The following BACH1 variants were observed in gnomAD, a reference collection of about 807,000 sequenced individuals.
The protein encoded by BACH1 is BTB domain and CNC homolog 1, also known as transcription regulator protein BACH1.
In BACH1, 35 loss-of-function variants were observed where a neutral mutation model predicts 52.9. The observed-to-expected ratio is 0.66, with a 90% confidence interval of 0.51 to 0.88. The LOEUF (loss-of-function observed/expected upper bound fraction) is 0.88, where lower values mean the gene tolerates loss of function less well. BACH1 is among the 40% of genes least tolerant of loss of function. The pLI is 0.00. For synonymous variants in BACH1, 321 were observed against 319.6 expected (o/e 1.00, Z -0.05); for missense variants, 808 against 872.6 (o/e 0.93, Z 0.93).
rs1167042483 is a variant in BACH1, at chr21:29,344,323, T to G, written c.*1490T>G. The G allele has an allele frequency of 6.6e-6, 1 of 152,660 alleles. No individual in the cohort carries two copies. 9.5% of individuals were successfully genotyped at this position (152,660 alleles called of 1,614,324 possible). On this transcript the variant is annotated 3_prime_UTR_variant, in exon 5 of 5. Transcript: ENST00000286800. ...TCCTGAGCCTAGTGCAGGGCTTGTCTAGCTAATGTGGGCAGCCACCACCCA... is the reference window on the plus strand; with the variant it reads ...TCCTGAGCCTAGTGCAGGGCTTGTCGAGCTAATGTGGGCAGCCACCACCCA...
downstream of BACH1, among the ~76,000 whole-genome samples, chr21:29,348,603 G>A (rs1033738517): frequency 4.6e-5 from 7 of 152,148 alleles, no homozygotes; most frequent in African/African-American, 1.4e-4. Flanking sequence ...ATTCCTGGGG[G>A]AAAGACCACC....
intron 4 of BACH1, 45 bp downstream of exon 4, chr21:29,329,738 C>CT: frequency 5.2e-6 from 7 of 1,350,104 alleles, no homozygotes; most frequent in Non-Finnish European, 6.9e-6. Context: ...CCACCACTTT[C>CT]TTTTTTGTCA....
chr21:29,332,342 G>T (rs2088994292), intron 4 of BACH1, among the ~76,000 whole-genome samples: 1 of 152,146 alleles, frequency 6.6e-6, no homozygotes, highest in African/African-American at 2.4e-5. Flanking sequence ...CTTTCATATG[G>T]TCAGTGAATA....
chr21:29,332,744 G>C (rs1335395655), intron 4 of BACH1, among the ~76,000 whole-genome samples: 1 of 152,232 alleles, frequency 6.6e-6, no homozygotes, highest in African/African-American at 2.4e-5. Context: ...GACTAATCCA[G>C]TCAGAGACTA....
At chr21:29,320,493 A>T (rs1185774300) in intron 1 of BACH1, among the ~76,000 whole-genome samples, 1 of 152,230 alleles carries the variant, frequency 6.6e-6, no homozygotes, top group Non-Finnish European at 1.5e-5. Context: ...ATTTTAAAAA[A>T]ATATAAAATT....
chr21:29,351,431 T>G (rs987908179), intron 2 of BACH1, among the ~76,000 whole-genome samples: 1 of 152,224 alleles, frequency 6.6e-6, no homozygotes, highest in Admixed American at 6.5e-5. Flanking sequence ...ATAAGCATGC[T>G]TATGTTTTCC....
At chr21:29,317,989 A>G (rs1035738911) in intron 1 of BACH1, among the ~76,000 whole-genome samples, 6 of 152,122 alleles carry the variant, frequency 3.9e-5, no homozygotes, top group Admixed American at 1.3e-4. Flanking sequence ...CTGAGACTCT[A>G]AATCCTGTGG....
chr21:29,307,061 A>G (rs1053950251), intron 1 of BACH1, among the ~76,000 whole-genome samples: 1 of 152,216 alleles, frequency 6.6e-6, no homozygotes, highest in African/African-American at 2.4e-5. Context: ...CATAGTGCAC[A>G]CCCACCTGTG....
chr21:29,320,885 A>G (rs1481669994), intron 1 of BACH1, among the ~76,000 whole-genome samples: 1 of 152,134 alleles, frequency 6.6e-6, no homozygotes, highest in Non-Finnish European at 1.5e-5. Context: ...TCTCAAAACA[A>G]TAGGATTGGG....
intron 1 of BACH1, among the ~76,000 whole-genome samples, chr21:29,302,905 TAAC>T (rs1305973893): frequency 1.3e-5 from 2 of 152,234 alleles, no homozygotes; most frequent in Non-Finnish European, 2.9e-5. Flanking sequence ...AAAGGAATCT[TAAC>T]AGTCTCAGCG....
At chr21:29,338,386 T>G (rs1015965495) in intron 4 of BACH1, among the ~76,000 whole-genome samples, 1 of 152,166 alleles carries the variant, frequency 6.6e-6, no homozygotes, top group African/African-American at 2.4e-5. Flanking sequence ...TTACTCTACA[T>G]TTTTTGAGAC....
At chr21:29,299,065 C>G (rs1488890848) in intron 1 of BACH1, 112 bp downstream of exon 1, 1 of 141,156 alleles carries the variant, frequency 7.1e-6, no homozygotes, top group African/African-American at 2.6e-5. Flanking sequence ...GCGGGCGGGC[C>G]GGGGGCGGCT....
intron 4 of BACH1, among the ~76,000 whole-genome samples, chr21:29,336,057 T>A (rs1205172378): frequency 6.6e-6 from 1 of 152,208 alleles, no homozygotes; most frequent in Non-Finnish European, 1.5e-5. Context: ...ATTACTCTGA[T>A]TTTCCCATCT....
chr21:29,326,061 G>A lies in BACH1; in HGVS notation c.237G>A (p.Val79=), dbSNP rs1203530077. 3 of 1,594,798 alleles carry A rather than the reference G, an allele frequency of 1.9e-6. No individual in the cohort carries two copies. The highest frequency in any genetic ancestry group is 1.7e-6 in the Non-Finnish European group (2 of 1,171,506). The change falls in exon 3 of 5, where the codon GTG becomes GTA. Residue 79 remains valine, a splice_region_variant and synonymous_variant. Transcript: ENST00000286800. ...GTTTTTATTTTGTGTATCAACAGGT[G>A]ACAGTTAAAGGATTTGAACCTTTAA... ...GELNITLPEE[V]TVKGFEPLIQ...
At chr21:29,299,847 T>C (rs2088583263) in intron 1 of BACH1, 1 of 152,244 alleles carries the variant, frequency 6.6e-6, no homozygotes, top group East Asian at 1.9e-4. Context: ...AAGAATGTTT[T>C]GTAGGATGCT....
intron 2 of BACH1, among the ~76,000 whole-genome samples, chr21:29,357,454 T>C (rs1313748814): frequency 6.6e-6 from 1 of 152,184 alleles, no homozygotes; most frequent in Non-Finnish European, 1.5e-5. Flanking sequence ...CATGTACATA[T>C]TTGAAGCACC....
chr21:29,326,865 A>G lies in BACH1; in HGVS notation c.1041A>G (p.Thr347=). The part of the protein sequence containing the change: ...FAGMQNTTVL[T]EKPLSGTDVQ... ...GTATGCAAAACACAACAGTGTTAAC[A>G]GAAAAGCCTTTGTCAGGTACAGACG... Residue 347 remains threonine, a synonymous_variant, in exon 3 of 5, where the codon ACA becomes ACG. Coordinates refer to ENST00000286800, the MANE Select transcript of BACH1 (RefSeq NM_001186.4). The G allele has an allele frequency of 6.2e-7, 1 of 1,614,276 alleles. No individual in the cohort carries two copies. The highest frequency in any genetic ancestry group is 8.5e-7 in the Non-Finnish European group (1 of 1,180,048).
downstream of BACH1, among the ~76,000 whole-genome samples, chr21:29,348,208 A>G (rs1015685158): frequency 6.6e-6 from 1 of 152,210 alleles, no homozygotes; most frequent in African/African-American, 2.4e-5. Context: ...AAGAGGCTGT[A>G]GCTGGAGTTG....
chr21:29,341,921 T>C (rs184727232), intron 4 of BACH1, among the ~76,000 whole-genome samples: 125 of 152,350 alleles, frequency 8.2e-4, no homozygotes, highest in Admixed American at 6.1e-3. Flanking sequence ...ACTTTTTTTC[T>C]TGTATCCCAT....
Sources: gnomAD v4.1 joint callset for allele counts (sites outside exome capture counted in the v4.1 genomes callset) on GRCh38, gnomAD v4.1.1 for gene constraint, MANE v1.5 for transcripts, NCBI Gene and HGNC (gene_info 2026-07-23, HGNC 2026-07-21) for gene names.